PRKAG2: variants seen among roughly 807,000 people sequenced by gnomAD.
PRKAG2 encodes protein kinase AMP-activated non-catalytic subunit gamma 2.
PRKAG2 carries 26 observed loss-of-function variants against 69.6 expected under a neutral mutation model. The ratio of observed to expected loss-of-function variants is 0.37; its 90% CI spans 0.27 to 0.52. The LOEUF (loss-of-function observed/expected upper bound fraction) is 0.52, where lower values mean the gene tolerates loss of function less well. Ranked by LOEUF, PRKAG2 falls within the 20% of genes least tolerant of loss-of-function variation. The pLI is 0.90. For synonymous variants in PRKAG2, 293 were observed against 285.0 expected (o/e 1.03, Z -0.28); for missense variants, 557 against 740.0 (o/e 0.75, Z 2.87).
chr7:151,732,394 C>T (rs1799098271), intron 3 of PRKAG2, among the ~76,000 whole-genome samples: 1 of 152,132 alleles, frequency 6.6e-6, no homozygotes, highest in African/African-American at 2.4e-5. Context: ...GTACCTCCGC[C>T]TCCCAAAGTG....
chr7:151,558,626 G>A (rs1804285039), intron 15 of PRKAG2: 1 of 968,618 alleles, frequency 1.0e-6, no homozygotes, highest in Non-Finnish European at 1.2e-6. Flanking sequence ...AAGTTCACTT[G>A]TAATCCAGTT....
intron 3 of PRKAG2, among the ~76,000 whole-genome samples, chr7:151,691,337 G>T (rs78423035): frequency 0.069 from 10,480 of 151,796 alleles, 564 homozygotes; most frequent in East Asian, 0.15. Context: ...GAATATTTTT[G>T]ATCTGAATTG....
chr7:151,827,771 A>AAC (rs1413220113), intron 1 of PRKAG2, among the ~76,000 whole-genome samples: 3 of 150,052 alleles, frequency 2.0e-5, no homozygotes, highest in African/African-American at 7.4e-5. Flanking sequence ...AAAAAAAAAA[A>AAC]AAACTGCCTT....
chr7:151,599,133 G>A (rs1342436094), intron 5 of PRKAG2, among the ~76,000 whole-genome samples: 1 of 152,144 alleles, frequency 6.6e-6, no homozygotes. Context: ...GATTACAGGT[G>A]TGAGCCACTG....
intron 1 of PRKAG2, among the ~76,000 whole-genome samples, chr7:151,795,826 C>T (rs2077475545): frequency 8.2e-6 from 1 of 121,350 alleles, no homozygotes; most frequent in Non-Finnish European, 1.6e-5. Context: ...ACGCATGAGT[C>T]AATTCTTTCA....
chr7:151,789,338 T>C (rs963101121), intron 1 of PRKAG2, among the ~76,000 whole-genome samples: 2 of 152,152 alleles, frequency 1.3e-5, no homozygotes, highest in Non-Finnish European at 2.9e-5. Flanking sequence ...CCACCTTTCA[T>C]TTCCTTCTGT....
chr7:151,794,918 C>T (rs979709556), intron 1 of PRKAG2, among the ~76,000 whole-genome samples: 1 of 152,226 alleles, frequency 6.6e-6, no homozygotes, highest in African/African-American at 2.4e-5. Flanking sequence ...CCCCACTGGC[C>T]TCCTCACGTT....
intron 5 of PRKAG2, among the ~76,000 whole-genome samples, chr7:151,596,120 A>C (rs537063800): frequency 4.9e-4 from 74 of 152,372 alleles, no homozygotes; most frequent in Non-Finnish European, 8.4e-4. Flanking sequence ...AGTCCTTGTC[A>C]GAGCAGTCAG....
chr7:151,628,582 T>C (rs945319293), intron 5 of PRKAG2, among the ~76,000 whole-genome samples: 1 of 151,940 alleles, frequency 6.6e-6, no homozygotes, highest in African/African-American at 2.4e-5. Context: ...CATGGTGGCA[T>C]GCGCCTGTAG....
intron 3 of PRKAG2, among the ~76,000 whole-genome samples, chr7:151,763,949 C>T (rs1357232372): frequency 6.6e-6 from 1 of 152,246 alleles, no homozygotes; most frequent in Non-Finnish European, 1.5e-5. Context: ...TCACTGCTTT[C>T]CTCCTTGTGC....
intron 4 of PRKAG2, among the ~76,000 whole-genome samples, chr7:151,657,148 G>T (rs948669986): frequency 2.0e-5 from 3 of 149,648 alleles, no homozygotes; most frequent in Non-Finnish European, 3.0e-5. Context: ...AAAAAAAAAA[G>T]GGGGGGTGGT....
chr7:151,690,517 A>G (rs1835499788), intron 3 of PRKAG2, among the ~76,000 whole-genome samples: 1 of 152,222 alleles, frequency 6.6e-6, no homozygotes, highest in African/African-American at 2.4e-5. Context: ...AGGACCCAAG[A>G]GAGGAGCAGC....
intron 3 of PRKAG2, among the ~76,000 whole-genome samples, chr7:151,775,896 G>T (rs762651051): frequency 2.4e-4 from 36 of 152,196 alleles, no homozygotes; most frequent in Admixed American, 5.2e-4. Context: ...CTAGGGCAGT[G>T]GGGGAGCAAT....
In PRKAG2 at chr7:151,699,460, C is replaced by A. The variant is rs772633549; in HGVS notation, c.467-23823G>T. Among the ~76,000 whole-genome samples the A allele has an allele frequency of 9.2e-5, 14 of 152,202 alleles. No homozygotes were observed. The highest frequency in any genetic ancestry group is 1.9e-4 in the Non-Finnish European group (13 of 68,024). On this transcript the variant is annotated intron_variant, in intron 3 of 15. Coordinates refer to ENST00000287878, the MANE Select transcript of PRKAG2 (RefSeq NM_016203.4). The surrounding 1 kb of genome is among the most constrained non-coding windows in gnomAD (Gnocchi z 4.5). ...ACTGGGATTGAGATCATCTCGGCGA[C>A]TTTATCATGAAGGCCAGCACAGGAG...
At chr7:151,708,966 G>A (rs1839079410) in intron 3 of PRKAG2, among the ~76,000 whole-genome samples, 1 of 152,186 alleles carries the variant, frequency 6.6e-6, no homozygotes, top group Admixed American at 6.5e-5. Context: ...CTAGTTCTGT[G>A]AGAATACCAG....
At chr7:151,716,095 A>G (rs1055065491) in intron 3 of PRKAG2, among the ~76,000 whole-genome samples, 1 of 152,148 alleles carries the variant, frequency 6.6e-6, no homozygotes, top group African/African-American at 2.4e-5. Flanking sequence ...GGGCTTCAGT[A>G]CGCTCTTTTC....
chr7:151,607,446 A>ATT (rs111970706), intron 5 of PRKAG2, among the ~76,000 whole-genome samples: 6,583 of 146,066 alleles, frequency 0.045, 466 homozygotes, highest in African/African-American at 0.16. Flanking sequence ...TTTATTCTGT[A>ATT]TTTTTTTTTT....
intron 3 of PRKAG2, among the ~76,000 whole-genome samples, chr7:151,764,068 T>C (rs2075592776): frequency 6.6e-6 from 1 of 152,148 alleles, no homozygotes; most frequent in African/African-American, 2.4e-5. Context: ...GCAGACAGCC[T>C]GGCAGAGGAG....
At chr7:151,851,338 T>A (rs2079562342) in intron 1 of PRKAG2, among the ~76,000 whole-genome samples, 1 of 143,562 alleles carries the variant, frequency 7.0e-6, no homozygotes. Flanking sequence ...TTGGGGCCTC[T>A]GGCAAAAAAA....
Sources: gnomAD v4.1 joint callset for allele counts (sites outside exome capture counted in the v4.1 genomes callset) on GRCh38, gnomAD v4.1.1 for gene constraint, Gnocchi (gnomAD v3.1) non-coding constraint, MANE v1.5 for transcripts, NCBI Gene and HGNC (gene_info 2026-07-23, HGNC 2026-07-21) for gene names.